DPP6: variants seen among roughly 807,000 people sequenced by gnomAD.
DPP6 encodes the protein dipeptidyl peptidase like 6, also known as A-type potassium channel modulatory protein DPP6.
DPP6 carries 69 observed loss-of-function variants against 122.6 expected under a neutral mutation model. The ratio of observed to expected loss-of-function variants is 0.56; its 90% CI spans 0.46 to 0.69. The LOEUF (loss-of-function observed/expected upper bound fraction) is 0.69. Among genes scored for constraint, DPP6 ranks in the 30% least tolerant of loss-of-function variants. The pLI, the probability that DPP6 is intolerant of heterozygous loss-of-function variation, is 0.00. For missense variants in DPP6, 928 were observed against 1,116.9 expected, an observed-to-expected ratio of 0.83 and a Z score of 2.41; for synonymous variants, 418 against 433.1, an observed-to-expected ratio of 0.97 and a Z score of 0.43.
chr7:154,235,723 C>T (rs531183953), intron 1 of DPP6, among the ~76,000 whole-genome samples: 5 of 152,246 alleles, frequency 3.3e-5, no homozygotes, highest in South Asian at 2.1e-4. Flanking sequence ...CAAACCAACT[C>T]GAAGTGATAA....
the DPP6 span, among the ~76,000 whole-genome samples, chr7:153,794,047 T>C: frequency 6.6e-6 from 1 of 152,216 alleles, no homozygotes; most frequent in African/African-American, 2.4e-5. Flanking sequence ...AGGGCACTCA[T>C]GTAGAACCTC....
chr7:154,588,285 C>A, intron 5 of DPP6: 1 of 836,488 alleles, frequency 1.2e-6, no homozygotes, highest in Non-Finnish European at 1.8e-6. Context: ...AATGGACCCT[C>A]GTGAATACTG....
intron 19 of DPP6, among the ~76,000 whole-genome samples, chr7:154,873,782 C>T (rs542769607): frequency 6.7e-6 from 1 of 149,376 alleles, no homozygotes; most frequent in Non-Finnish European, 1.5e-5. Context: ...GCACACACAC[C>T]CACATGTGCA....
At chr7:154,668,785 GGTA>G (rs1838361748) in intron 6 of DPP6, among the ~76,000 whole-genome samples, 1 of 151,994 alleles carries the variant, frequency 6.6e-6, no homozygotes, top group Non-Finnish European at 1.5e-5. Context: ...TTGTTGTGGT[GGTA>G]TTGGTATTTA....
At chr7:154,217,878 T>A (rs1800091551) in intron 1 of DPP6, among the ~76,000 whole-genome samples, 2 of 152,286 alleles carry the variant, frequency 1.3e-5, no homozygotes, top group South Asian at 4.1e-4. Context: ...GCCTGGTCTG[T>A]CTCAGAGGGC....
chr7:154,883,047 ACATGCTCACACATT>A lies in DPP6; in HGVS notation c.2133+2108_2133+2121del, dbSNP rs1458367670. ...CTCACCCATACACATGCTCACACAC[ACATGCTCACACATT>A]CACACACATGCTCACCCATACACCT... On this transcript the variant is annotated intron_variant, in intron 21 of 25. Transcript: ENST00000377770. Among the ~76,000 whole-genome samples the A allele has an allele frequency of 3.6e-4, 36 of 99,818 alleles. 1 individual carries two copies. Among genetic ancestry groups the A allele is most frequent in the South Asian group, 7.9e-4 (3 of 3,820 alleles). The allele number at this position is 99,818 out of a possible 152,430, so 65.5% of individuals were successfully genotyped here. A position where few individuals can be genotyped will look rare whatever the true frequency, so the allele number is the denominator to read the frequency against.
intron 1 of DPP6, among the ~76,000 whole-genome samples, chr7:154,341,828 C>T (rs905119126): frequency 2.6e-5 from 4 of 151,858 alleles, no homozygotes; most frequent in African/African-American, 4.8e-5. Flanking sequence ...CCTATAATGA[C>T]GCAAGAAGAA....
At chr7:154,245,060 C>T (rs762944248) in intron 1 of DPP6, among the ~76,000 whole-genome samples, 1 of 151,104 alleles carries the variant, frequency 6.6e-6, no homozygotes, top group East Asian at 2.0e-4. Flanking sequence ...AAGTGATTCT[C>T]CTGCCTCAGC....
At chr7:154,832,292 C>T (rs1800693180) in intron 16 of DPP6, among the ~76,000 whole-genome samples, 1 of 152,196 alleles carries the variant, frequency 6.6e-6, no homozygotes, top group Non-Finnish European at 1.5e-5. Context: ...CAGAGACATG[C>T]TCTGGGGCCT....
the DPP6 span, among the ~76,000 whole-genome samples, chr7:153,862,485 C>A: frequency 1.3e-5 from 2 of 152,188 alleles, no homozygotes; most frequent in African/African-American, 4.8e-5. Flanking sequence ...TCACCCAGAG[C>A]GGGCTGATGT....
chr7:154,125,419 G>GC (rs1807805769), intron 1 of DPP6, among the ~76,000 whole-genome samples: 1 of 152,072 alleles, frequency 6.6e-6, no homozygotes, highest in Non-Finnish European at 1.5e-5. Context: ...AAAAGTAGTC[G>GC]CATTAGAGAA....
chr7:154,598,917 A>C (rs1586710491), intron 5 of DPP6, among the ~76,000 whole-genome samples: 1 of 152,114 alleles, frequency 6.6e-6, no homozygotes, highest in Non-Finnish European at 1.5e-5. Flanking sequence ...TTTAATGCTG[A>C]TGATTGGTGT....
chr7:154,871,389 G>A (rs1407584622), intron 18 of DPP6, among the ~76,000 whole-genome samples: 3 of 152,336 alleles, frequency 2.0e-5, no homozygotes, highest in Non-Finnish European at 2.9e-5. Context: ...CTTAGGGATC[G>A]CAGGAAATCT....
intron 1 of DPP6, among the ~76,000 whole-genome samples, chr7:154,183,505 C>T (rs183989715): frequency 6.6e-6 from 1 of 152,140 alleles, no homozygotes; most frequent in Non-Finnish European, 1.5e-5. Flanking sequence ...AGAATCACCT[C>T]GGGGAGTGGT....
intron 1 of DPP6, among the ~76,000 whole-genome samples, chr7:153,926,475 C>T (rs1049002177): frequency 1.3e-5 from 2 of 152,136 alleles, no homozygotes; most frequent in Non-Finnish European, 2.9e-5. Context: ...CTGGACTTTC[C>T]TCCACTTGAT....
At chr7:153,958,505 G>C (rs1158108752) in intron 1 of DPP6, among the ~76,000 whole-genome samples, 1 of 152,118 alleles carries the variant, frequency 6.6e-6, no homozygotes, top group Non-Finnish European at 1.5e-5. Context: ...GGTGAGCCAG[G>C]GAGGAGGAGG....
intron 1 of DPP6, among the ~76,000 whole-genome samples, chr7:154,023,336 A>G (rs1798804421): frequency 6.6e-6 from 1 of 151,446 alleles, no homozygotes; most frequent in African/African-American, 2.4e-5. Flanking sequence ...ACACACACAC[A>G]CACACACACA....
At chr7:153,886,443 AG>A (rs1283690958), upstream of DPP6, among the ~76,000 whole-genome samples, 5 of 152,128 alleles carry the variant, frequency 3.3e-5, no homozygotes, top group African/African-American at 1.2e-4. Flanking sequence ...GGGTAGGGAG[AG>A]CCGTGGGCGC....
intron 7 of DPP6, among the ~76,000 whole-genome samples, chr7:154,720,889 A>G (rs1841768706): frequency 1.3e-5 from 2 of 152,250 alleles, no homozygotes; most frequent in Non-Finnish European, 2.9e-5. Context: ...GCAGCTGACG[A>G]CAAAACTCCC....
Sources: allele counts gnomAD v4.1 joint callset (sites outside exome capture counted in the v4.1 genomes callset), GRCh38; gene constraint gnomAD v4.1.1; transcripts MANE v1.5; gene names NCBI Gene and HGNC (gene_info 2026-07-23, HGNC 2026-07-21).